The following KDELR3 variants were observed in gnomAD, a reference collection of about 807,000 sequenced individuals.
KDELR3 encodes the protein KDEL endoplasmic reticulum protein retention receptor 3, also known as ER lumen protein-retaining receptor 3.
In KDELR3, 26 loss-of-function variants were observed where a neutral mutation model predicts 22.7. The ratio of observed to expected loss-of-function variants is 1.15; its 90% CI spans 0.84 to 1.59. The LOEUF is 1.59. Among genes scored for constraint, KDELR3 ranks in the 40% most tolerant of loss-of-function variants. KDELR3 has a pLI of 0.00. For missense variants in KDELR3, 289 were observed against 251.1 expected (o/e 1.15, Z -1.02); for synonymous variants, 120 against 98.2 (o/e 1.22, Z -1.31).
chr22:38,472,706 T>A (rs911773913), intron 1 of KDELR3, among the ~76,000 whole-genome samples: 17 of 151,850 alleles, frequency 1.1e-4, no homozygotes, highest in African/African-American at 4.1e-4. Context: ...TTTTGTTTTG[T>A]TTTGTTTTTT....
At chr22:38,468,424 G>A (rs1018574940) in intron 1 of KDELR3, 100 bp downstream of exon 1, 1 of 962,316 alleles carries the variant, frequency 1.0e-6, no homozygotes, top group Non-Finnish European at 1.6e-6. Flanking sequence ...TCAGGGTGGG[G>A]ACTCCGGCGT....
chr22:38,471,494 A>AC (rs1172126614), intron 1 of KDELR3, among the ~76,000 whole-genome samples: 2 of 151,666 alleles, frequency 1.3e-5, no homozygotes, highest in East Asian at 1.9e-4. Context: ...CGCGTGCTAG[A>AC]CCCCCCAGAG....
intron 1 of KDELR3, among the ~76,000 whole-genome samples, chr22:38,468,865 G>A (rs1034200451): frequency 6.6e-6 from 1 of 152,224 alleles, no homozygotes; most frequent in Non-Finnish European, 1.5e-5. Context: ...ACGGAAGCCG[G>A]GGAAGGCTGG....
chr22:38,476,502 G>A (rs2089559182), intron 2 of KDELR3, among the ~76,000 whole-genome samples: 1 of 151,924 alleles, frequency 6.6e-6, no homozygotes, highest in South Asian at 2.1e-4. Context: ...ACAGGTGTGA[G>A]CCATTGCGCC....
At chr22:38,482,423 G>A in intron 4 of KDELR3, 73 bp from the exon 5 acceptor site, 1 of 1,226,940 alleles carries the variant, frequency 8.2e-7, no homozygotes, top group South Asian at 1.2e-5. Context: ...ATGATACCAA[G>A]ATTATGCATC....
At chr22:38,473,658 G>A (rs2089538843) in intron 1 of KDELR3, among the ~76,000 whole-genome samples, 2 of 152,116 alleles carry the variant, frequency 1.3e-5, no homozygotes, top group African/African-American at 2.4e-5. Context: ...GTAAATATAG[G>A]CATAACTTTT....
Position 38,474,603 on chromosome 22 carries a change from A to G in KDELR3, c.172A>G (p.Ile58Val). ...GGACCTGTTCACCAACTTCATCTCC[A>G]TCTACAACACAGTAATGAAGGTGAG... ...YLDLFTNFIS[I>V]YNTVMKVVFL... The change falls in exon 2 of 5, where the codon ATC (isoleucine) becomes GTC (valine). Residue 58 changes from isoleucine (I) to valine (V), a missense_variant. By Grantham distance (29) the Ile-to-Val change is conservative. Transcript: ENST00000216014. 6.2e-7 allele frequency: 1 copy of G among 1,611,776 alleles called. No homozygotes were observed. Among genetic ancestry groups the G allele is most frequent in the Non-Finnish European group, 8.5e-7 (1 of 1,178,180 alleles).
chr22:38,477,782 T>C (rs188119855), intron 2 of KDELR3, among the ~76,000 whole-genome samples: 81 of 152,332 alleles, frequency 5.3e-4, no homozygotes, highest in African/African-American at 1.9e-3. Context: ...AGTTCACACA[T>C]GTATCAAACA....
rs747115395 is a variant in KDELR3 at position 38,479,717 on chromosome 22, C to T, written c.317C>T (p.Ser106Phe). Residue 106 changes from serine (S) to phenylalanine (F), a missense_variant, in exon 3 of 5, where the codon TCC becomes TTC. Ser to Phe is a radical substitution (Grantham distance 155, BLOSUM62 -2). Transcript: ENST00000216014. ...CTTCTGGTCCCAGTCATTGGCCTTT[C>T]CTTCCTTGAAAACTACAGTTTCACT... ...EFLLVPVIGLSFLENYSFTLL... is the reference protein window; with the variant it reads ...EFLLVPVIGLFFLENYSFTLL... The T allele has an allele frequency of 6.2e-7, 1 of 1,614,202 alleles. No individual in the cohort carries two copies. The highest frequency in any genetic ancestry group is 8.5e-7 in the Non-Finnish European group (1 of 1,180,026).
At chr22:38,478,628 G>GTTTTTTTTTTT (rs1569133063) in intron 2 of KDELR3, among the ~76,000 whole-genome samples, 2 of 24,134 alleles carry the variant, frequency 8.3e-5, no homozygotes, top group Admixed American at 7.7e-4. Flanking sequence ...CAGCATCTGT[G>GTTTTTTTTTTT]ATTTTTTTTT....
intron 4 of KDELR3, among the ~76,000 whole-genome samples, chr22:38,481,852 C>A (rs1216568670): frequency 6.6e-6 from 1 of 152,240 alleles, no homozygotes; most frequent in African/African-American, 2.4e-5. Flanking sequence ...GGGTGTCCAA[C>A]CTTTTGGCTG....
chr22:38,470,908 C>G (rs1022031260), intron 1 of KDELR3, among the ~76,000 whole-genome samples: 14 of 152,152 alleles, frequency 9.2e-5, no homozygotes, highest in Admixed American at 7.9e-4. Context: ...CTTTGGGATG[C>G]CAAGGCGGGT....
chr22:38,477,528 G>C (rs1004712263), intron 2 of KDELR3, among the ~76,000 whole-genome samples: 1 of 152,234 alleles, frequency 6.6e-6, no homozygotes, highest in South Asian at 2.1e-4. Context: ...TAAGGAACAA[G>C]GGTTCCATGG....
Position 38,468,126 on chromosome 22 carries a change from G to C in KDELR3, c.-108G>C. The C allele has an allele frequency of 1.1e-6, 1 of 926,928 alleles. No homozygotes were observed. Among genetic ancestry groups the C allele is most frequent in the East Asian group, 2.6e-5 (1 of 38,572 alleles). 57.4% of individuals were successfully genotyped at this position (926,928 alleles called of 1,614,324 possible). On this transcript the variant is annotated 5_prime_UTR_variant, in exon 1 of 5. Transcript: ENST00000216014. ...CGCGGAGCTGTGAGGCGCAGGCAGG[G>C]CTCTGGGGCACCTAGAGACCGGGGC...
intron 1 of KDELR3, among the ~76,000 whole-genome samples, chr22:38,472,426 G>A (rs1253121584): frequency 1.3e-5 from 2 of 151,816 alleles, no homozygotes; most frequent in Non-Finnish European, 2.9e-5. Context: ...GCAGTGAGTC[G>A]AGATCGCACC....
intron 2 of KDELR3, among the ~76,000 whole-genome samples, chr22:38,477,937 C>T (rs1184043105): frequency 1.3e-5 from 2 of 152,166 alleles, no homozygotes; most frequent in Admixed American, 1.3e-4. Context: ...AAGTGACCAC[C>T]TCATTCACTC....
chr22:38,481,730 T>C (rs772425734), intron 4 of KDELR3: 32 of 1,152,166 alleles, frequency 2.8e-5, no homozygotes, highest in Non-Finnish European at 3.5e-5. Flanking sequence ...TTCCAGAACT[T>C]ATTACAAGCC....
chr22:38,474,197 A>G (rs1369486379), intron 1 of KDELR3: 4 of 248,596 alleles, frequency 1.6e-5, no homozygotes, highest in Admixed American at 5.1e-5. Flanking sequence ...AACCCCCACC[A>G]AGCCCGACTC....
intron 1 of KDELR3, among the ~76,000 whole-genome samples, chr22:38,472,097 G>A (rs186352575): frequency 4.1e-4 from 63 of 152,258 alleles, no homozygotes; most frequent in African/African-American, 1.4e-3. Context: ...CCTTATCCAC[G>A]GAGGATATGT....
Sources: allele counts gnomAD v4.1 joint callset (sites outside exome capture counted in the v4.1 genomes callset), GRCh38; gene constraint gnomAD v4.1.1; transcripts MANE v1.5; gene names NCBI Gene and HGNC (gene_info 2026-07-23, HGNC 2026-07-21).